RPS6KC1: variants seen among roughly 807,000 people sequenced by gnomAD.
RPS6KC1 encodes the protein inactive ribosomal protein S6 kinase delta-1.
Under a neutral mutation model 103.8 loss-of-function variants are expected in RPS6KC1, and 54 were observed. The observed-to-expected ratio is 0.52, with a 90% CI of 0.42 to 0.65. The LOEUF is 0.65. Among genes scored for constraint, RPS6KC1 ranks in the 30% least tolerant of loss-of-function variants. The pLI, the probability that RPS6KC1 is intolerant of heterozygous loss-of-function variation, is 0.00. For missense variants in RPS6KC1, 1,151 were observed against 1,253.8 expected, an observed-to-expected ratio of 0.92 and a Z score of 1.24; for synonymous variants, 439 against 438.7, an observed-to-expected ratio of 1.00 and a Z score of -0.01.
chr1:213,402,958 CA>C, the RPS6KC1 span, among the ~76,000 whole-genome samples: 17,897 of 111,378 alleles, frequency 0.16, 1,220 homozygotes, highest in African/African-American at 0.17. Flanking sequence ...ACTAAAAATA[CA>C]AAAAAAAAAA....
intron 3 of RPS6KC1, among the ~76,000 whole-genome samples, chr1:213,083,029 G>T (rs2080045168): frequency 6.6e-6 from 1 of 152,144 alleles, no homozygotes. Flanking sequence ...GAGATTTGTG[G>T]CTATCACTTT....
chr1:213,543,750 T>A, the RPS6KC1 span, among the ~76,000 whole-genome samples: 1 of 152,216 alleles, frequency 6.6e-6, no homozygotes, highest in African/African-American at 2.4e-5. Flanking sequence ...TCGGCTAGAA[T>A]TTTTTGAGAT....
At chr1:213,309,634 T>G in the RPS6KC1 span, among the ~76,000 whole-genome samples, 1 of 152,208 alleles carries the variant, frequency 6.6e-6, no homozygotes, top group East Asian at 1.9e-4. Flanking sequence ...CTTTGCCAAT[T>G]CTTCTGGTAA....
chr1:213,630,624 A>G, the RPS6KC1 span, among the ~76,000 whole-genome samples: 5 of 152,176 alleles, frequency 3.3e-5, no homozygotes, highest in South Asian at 8.3e-4. Context: ...GCTGGTGAGG[A>G]GCTGTGTTCC....
chr1:213,105,719 A>G (rs951165854), intron 4 of RPS6KC1, among the ~76,000 whole-genome samples: 10 of 152,232 alleles, frequency 6.6e-5, no homozygotes, highest in Non-Finnish European at 1.5e-4. Flanking sequence ...GGCTGAGATA[A>G]TAAATGTGAT....
chr1:213,343,391 GTATATA>G, the RPS6KC1 span, among the ~76,000 whole-genome samples: 294 of 65,868 alleles, frequency 4.5e-3, 5 homozygotes, highest in Middle Eastern at 0.011. Flanking sequence ...AGTGTTGTGT[GTATATA>G]TATATATATA....
the RPS6KC1 span, among the ~76,000 whole-genome samples, chr1:213,704,045 G>A: frequency 6.6e-6 from 1 of 151,788 alleles, no homozygotes; most frequent in Non-Finnish European, 1.5e-5. Flanking sequence ...TTTTCAAATA[G>A]CCTGCCTTCA....
intron 8 of RPS6KC1, chr1:213,176,694 C>T (rs1029788451): frequency 5.3e-6 from 2 of 375,740 alleles, no homozygotes; most frequent in Non-Finnish European, 9.8e-6. Context: ...TATATTTGAG[C>T]TAAAGGAGAA....
At chr1:213,573,132 C>T in the RPS6KC1 span, among the ~76,000 whole-genome samples, 2 of 152,226 alleles carry the variant, frequency 1.3e-5, no homozygotes, top group African/African-American at 2.4e-5. Context: ...CCTGCCCAAT[C>T]TGGCCTCCCA....
the RPS6KC1 span, among the ~76,000 whole-genome samples, chr1:213,325,825 G>C: frequency 1.3e-5 from 2 of 152,200 alleles, no homozygotes; most frequent in Non-Finnish European, 2.9e-5. Flanking sequence ...TAACCTGTGA[G>C]GACAACTGAG....
At chr1:213,501,732 C>CA in the RPS6KC1 span, among the ~76,000 whole-genome samples, 582 of 127,026 alleles carry the variant, frequency 4.6e-3, 6 homozygotes, top group African/African-American at 0.015. Flanking sequence ...GAGAGTCCAT[C>CA]AAAAAAAAAA....
chr1:213,851,294 C>T, the RPS6KC1 span, among the ~76,000 whole-genome samples: 1 of 152,172 alleles, frequency 6.6e-6, no homozygotes, highest in Admixed American at 6.5e-5. Context: ...TCTGTATCAC[C>T]TACCTCTGAT....
intron 8 of RPS6KC1, among the ~76,000 whole-genome samples, chr1:213,215,647 G>A (rs6419469): frequency 0.73 from 111,051 of 152,080 alleles, 41,390 homozygotes; most frequent in African/African-American, 0.88. Flanking sequence ...GGTTACCCAT[G>A]AAGGGAAGCC....
the RPS6KC1 span, among the ~76,000 whole-genome samples, chr1:213,466,624 A>T: frequency 2.6e-4 from 40 of 152,210 alleles, no homozygotes; most frequent in Non-Finnish European, 4.9e-4. Context: ...AAATGAATGG[A>T]TGCTAAATAC....
At chr1:213,418,769 G>C in the RPS6KC1 span, among the ~76,000 whole-genome samples, 163 of 152,262 alleles carry the variant, frequency 1.1e-3, no homozygotes, top group African/African-American at 3.8e-3. Flanking sequence ...GTCCTGTTCC[G>C]ACCCCAGGAG....
chr1:213,601,902 TTTCCC>T, the RPS6KC1 span, among the ~76,000 whole-genome samples: 1 of 150,170 alleles, frequency 6.7e-6, no homozygotes, highest in Non-Finnish European at 1.5e-5. Context: ...TCCTTCCCTC[TTTCCC>T]TTCCCTTCCC....
At chr1:213,554,168 T>C in the RPS6KC1 span, among the ~76,000 whole-genome samples, 1 of 152,208 alleles carries the variant, frequency 6.6e-6, no homozygotes, top group Non-Finnish European at 1.5e-5. Flanking sequence ...GTTTGACATT[T>C]AAGTCTTTAA....
At chr1:213,777,860 C>T in the RPS6KC1 span, among the ~76,000 whole-genome samples, 1 of 152,044 alleles carries the variant, frequency 6.6e-6, no homozygotes, top group Non-Finnish European at 1.5e-5. Context: ...ATTTATTGAC[C>T]ACTTGGTATG....
chr1:213,606,884 G>A, the RPS6KC1 span, among the ~76,000 whole-genome samples: 3 of 152,190 alleles, frequency 2.0e-5, no homozygotes, highest in Non-Finnish European at 2.9e-5. Flanking sequence ...TCTGTACCAG[G>A]CATTGTAATA....
Sources: allele counts gnomAD v4.1 joint callset (sites outside exome capture counted in the v4.1 genomes callset), GRCh38; gene constraint gnomAD v4.1.1; transcripts MANE v1.5; gene names NCBI Gene and HGNC (gene_info 2026-07-23, HGNC 2026-07-21).